The following PSPH variants were observed in gnomAD, a reference collection of about 807,000 sequenced individuals.
The protein encoded by PSPH is phosphoserine phosphatase.
A neutral mutation model predicts 23.4 loss-of-function variants in PSPH; 16 were observed. That is an observed-to-expected ratio of 0.68 (90% confidence interval 0.46 to 1.04). The LOEUF (loss-of-function observed/expected upper bound fraction) is 1.04, where lower values mean the gene tolerates loss of function less well. Ranked by LOEUF, PSPH falls within the 50% of genes least tolerant of loss-of-function variation. The probability of loss-of-function intolerance (pLI) is 0.00; values close to 1 mark genes in which losing one functional copy is unlikely to be tolerated. For missense variants in PSPH, 223 were observed against 273.7 expected, an observed-to-expected ratio of 0.81 and a Z score of 1.31; for synonymous variants, 68 against 99.7, an observed-to-expected ratio of 0.68 and a Z score of 1.89.
At position 56,021,241 on chromosome 7, in the gene PSPH, A is replaced by G; in HGVS notation, c.-19-10T>C. On this transcript the variant is annotated splice_polypyrimidine_tract_variant and intron_variant, in intron 3 of 7. Transcript: ENST00000275605. ...TGGAAGAATTTTCCTCCTACAAGAA[A>G]AAAGATAAATGTATTTAAAGACATC... 6 of 1,611,012 alleles carry G rather than the reference A, an allele frequency of 3.7e-6. No homozygotes were observed. The highest frequency in any genetic ancestry group is 5.1e-6 in the Non-Finnish European group (6 of 1,177,476).
At chr7:56,036,192 A>G (rs1791699992) in intron 1 of PSPH, among the ~76,000 whole-genome samples, 1 of 151,950 alleles carries the variant, frequency 6.6e-6, no homozygotes, top group Non-Finnish European at 1.5e-5. Flanking sequence ...ATGCCACTGC[A>G]CTCCAGCCTG....
chr7:56,036,636 T>C (rs114770827), intron 1 of PSPH, among the ~76,000 whole-genome samples: 1 of 151,968 alleles, frequency 6.6e-6, no homozygotes, highest in African/African-American at 2.4e-5. Flanking sequence ...CTCTGAAAAA[T>C]TAATTAGTTA....
intron 3 of PSPH, among the ~76,000 whole-genome samples, chr7:56,030,346 G>C (rs1423004752): frequency 6.6e-6 from 1 of 150,460 alleles, no homozygotes; most frequent in Admixed American, 6.6e-5. Context: ...CTGACCTCAG[G>C]AGTTCTGCTC....
In PSPH at chr7:56,015,047, T is replaced by C. The variant is rs755879522; in HGVS notation, c.546A>G (p.Thr182=). Reference sequence around the variant, plus strand: ...CAGCAGGAGGACAGGCTTCCATATCTGTGGCACCATCTCCAATCATGATTA... The same window carrying C: ...CAGCAGGAGGACAGGCTTCCATATCCGTGGCACCATCTCCAATCATGATTA... ...KKIIMIGDGA[T]DMEACPPADA... Residue 182 remains threonine (T), a synonymous_variant, in exon 7 of 8, where the codon ACA becomes ACG. Transcript: ENST00000275605. The C allele has an allele frequency of 6.2e-7, 1 of 1,614,146 alleles. No individual in the cohort carries two copies. Among genetic ancestry groups the C allele is most frequent in the South Asian group, 1.1e-5 (1 of 91,084 alleles).
At chr7:56,019,836 G>A (rs756291791) in intron 4 of PSPH, 102 bp from the exon 5 acceptor site, 2 of 1,471,570 alleles carry the variant, frequency 1.4e-6, no homozygotes, top group Non-Finnish European at 1.9e-6. Flanking sequence ...AAAGGAAGAT[G>A]CTACCAAGAG....
At chr7:56,048,193 C>T (rs1290987661) in intron 1 of PSPH, among the ~76,000 whole-genome samples, 1 of 151,434 alleles carries the variant, frequency 6.6e-6, no homozygotes, top group African/African-American at 2.4e-5. Flanking sequence ...GCAGGAGAAT[C>T]ACTTGAACCC....
chr7:56,027,857 G>A (rs1790428922), intron 3 of PSPH, among the ~76,000 whole-genome samples: 1 of 136,072 alleles, frequency 7.3e-6, no homozygotes, highest in South Asian at 2.5e-4. Context: ...TTTGAGATCA[G>A]TTCTCGAGAA....
chr7:56,043,782 C>T (rs58251663), intron 1 of PSPH, among the ~76,000 whole-genome samples: 33,244 of 151,646 alleles, frequency 0.22, 3,801 homozygotes, highest in East Asian at 0.4. Flanking sequence ...GAGCTGTGAT[C>T]ATGCCACTGC....
chr7:56,019,847 C>T, intron 4 of PSPH, 113 bp from the exon 5 acceptor site: 1 of 1,283,484 alleles, frequency 7.8e-7, no homozygotes. Flanking sequence ...CTACCAAGAG[C>T]CCAGTGTGCA....
chr7:56,016,856 C>T (rs1223483004), intron 6 of PSPH, among the ~76,000 whole-genome samples: 4 of 152,072 alleles, frequency 2.6e-5, no homozygotes, highest in Admixed American at 6.6e-5. Context: ...AGATTACAGG[C>T]GTGAGCCACC....
Position 56,051,362 on chromosome 7 carries a change from C to T in PSPH, c.-516G>A, listed in dbSNP as rs933398540. 1 of 179,052 alleles carries T rather than the reference C, an allele frequency of 5.6e-6. No homozygotes were observed. The allele number at this position is 179,052 out of a possible 1,614,324, so 11.1% of individuals were successfully genotyped here. A position where few individuals can be genotyped will look rare whatever the true frequency, so the allele number is the denominator to read the frequency against. On this transcript the variant is annotated 5_prime_UTR_variant, in exon 1 of 8. Coordinates refer to ENST00000275605, the MANE Select transcript of PSPH (RefSeq NM_004577.4). Reference sequence around the variant, plus strand: ...CTAGGCCTCACAGCACCGCATGATTCCGGGGGAGGGTGCTTATCAGACTCG... The same window carrying T: ...CTAGGCCTCACAGCACCGCATGATTTCGGGGGAGGGTGCTTATCAGACTCG...
intron 3 of PSPH, among the ~76,000 whole-genome samples, chr7:56,024,610 T>C (rs1789928233): frequency 6.6e-6 from 1 of 151,402 alleles, no homozygotes; most frequent in South Asian, 2.1e-4. Context: ...TAGCCAGGTG[T>C]AGTGGCACAC....
Position 56,017,221 on chromosome 7 carries a change from G to T in PSPH, c.421+13C>A. 1 of 1,613,842 alleles carries T rather than the reference G, an allele frequency of 6.2e-7. No homozygotes were observed. The highest frequency in any genetic ancestry group is 8.5e-7 in the Non-Finnish European group (1 of 1,179,816). Reference sequence around the variant, plus strand: ...CTGCTAAGAAAGGGAACATGTTACTGTTAACATCTTACCGTTAAAGTAGAA... The same window carrying T: ...CTGCTAAGAAAGGGAACATGTTACTTTTAACATCTTACCGTTAAAGTAGAA... On this transcript the variant is annotated intron_variant, in intron 6 of 7. Transcript: ENST00000275605.
intron 1 of PSPH, among the ~76,000 whole-genome samples, chr7:56,037,706 A>ATTTTTTTTTTTTTTTTTTTTTTTTTTT (rs71015167): frequency 8.7e-6 from 1 of 115,304 alleles, no homozygotes; most frequent in Non-Finnish European, 1.7e-5. Flanking sequence ...AAGCTAACAA[A>ATTTTTTTTTTTTTTTTTTTTTTTTTTT]TTTTTTTTTT....
intron 5 of PSPH, among the ~76,000 whole-genome samples, chr7:56,019,270 CT>C (rs892976860): frequency 2.6e-5 from 4 of 151,850 alleles, no homozygotes; most frequent in Admixed American, 6.6e-5. Flanking sequence ...CGAAACCCAT[CT>C]CTACTAAAAA....
intron 1 of PSPH, among the ~76,000 whole-genome samples, chr7:56,035,532 C>T (rs1697976847): frequency 6.6e-6 from 1 of 152,080 alleles, no homozygotes; most frequent in Non-Finnish European, 1.5e-5. Context: ...CTCTAAGATG[C>T]TCACCCACGC....
intron 4 of PSPH, among the ~76,000 whole-genome samples, chr7:56,020,054 T>C (rs1022110052): frequency 7.0e-5 from 10 of 142,430 alleles, no homozygotes; most frequent in Admixed American, 2.8e-4. Context: ...CCATCTTTAC[T>C]AAAAAAATGC....
intron 1 of PSPH, among the ~76,000 whole-genome samples, chr7:56,035,067 G>T (rs566009803): frequency 6.6e-6 from 1 of 152,154 alleles, no homozygotes; most frequent in Non-Finnish European, 1.5e-5. Flanking sequence ...CTGGCCAGGC[G>T]CGGTGGCTCA....
intron 1 of PSPH, among the ~76,000 whole-genome samples, chr7:56,045,842 A>C (rs1320807266): frequency 6.7e-6 from 1 of 148,444 alleles, no homozygotes; most frequent in Non-Finnish European, 1.5e-5. Flanking sequence ...AGCCAAGATC[A>C]TGCCACTGCA....
Sources: gnomAD v4.1 joint callset for allele counts (sites outside exome capture counted in the v4.1 genomes callset) on GRCh38, gnomAD v4.1.1 for gene constraint, MANE v1.5 for transcripts, NCBI Gene and HGNC (gene_info 2026-07-23, HGNC 2026-07-21) for gene names.